The following KCNIP4 variants were observed in gnomAD, a reference collection of about 807,000 sequenced individuals.
KCNIP4 encodes the protein potassium voltage-gated channel interacting protein 4, also known as Kv channel-interacting protein 4.
Under a neutral mutation model 34.0 loss-of-function variants are expected in KCNIP4, and 12 were observed. The observed-to-expected ratio is 0.35, with a 90% confidence interval of 0.23 to 0.57. The LOEUF is 0.57. KCNIP4 is among the 20% of genes least tolerant of loss of function. The probability of loss-of-function intolerance (pLI) is 0.83; values close to 1 mark genes in which losing one functional copy is unlikely to be tolerated. For missense variants in KCNIP4, 238 were observed against 311.7 expected, an observed-to-expected ratio of 0.76 and a Z score of 1.78; for synonymous variants, 124 against 102.2, an observed-to-expected ratio of 1.21 and a Z score of -1.29.
chr4:21,506,844 T>C (rs1376027435), intron 1 of KCNIP4, among the ~76,000 whole-genome samples: 1 of 152,020 alleles, frequency 6.6e-6, no homozygotes, highest in East Asian at 1.9e-4. Context: ...CAGGCTGGAG[T>C]GCAGTGGCAT....
intron 1 of KCNIP4, among the ~76,000 whole-genome samples, chr4:21,077,267 A>G (rs1745573053): frequency 6.6e-6 from 1 of 152,192 alleles, no homozygotes; most frequent in South Asian, 2.1e-4. Context: ...TAAAGGGTTA[A>G]TTTATGATTC....
chr4:21,456,506 C>G (rs540031533), intron 1 of KCNIP4, among the ~76,000 whole-genome samples: 29 of 148,332 alleles, frequency 2.0e-4, no homozygotes, highest in South Asian at 1.0e-3. Context: ...TTTAAATCAA[C>G]TTATTTTTTA....
At chr4:21,642,085 T>G in intron 1 of KCNIP4, among the ~76,000 whole-genome samples, 1 of 152,174 alleles carries the variant, frequency 6.6e-6, no homozygotes, top group East Asian at 1.9e-4. Context: ...ATCTATAAAC[T>G]TACAGAATGC....
intron 1 of KCNIP4, among the ~76,000 whole-genome samples, chr4:21,719,920 G>A (rs1046350568): frequency 7.0e-6 from 1 of 143,174 alleles, no homozygotes; most frequent in Admixed American, 7.3e-5. Context: ...CTGAGATTGT[G>A]CCATTGTGCT....
intron 1 of KCNIP4, among the ~76,000 whole-genome samples, chr4:21,694,689 A>G (rs1022593186): frequency 6.6e-6 from 1 of 152,014 alleles, no homozygotes; most frequent in South Asian, 2.1e-4. Flanking sequence ...CTCTCACAAA[A>G]GGAAATTGCT....
chr4:21,110,760 T>C (rs1375833408), intron 1 of KCNIP4, among the ~76,000 whole-genome samples: 2 of 152,188 alleles, frequency 1.3e-5, no homozygotes, highest in African/African-American at 2.4e-5. Context: ...CCTTCCACCA[T>C]GTGAGGACAC....
intron 5 of KCNIP4, among the ~76,000 whole-genome samples, chr4:20,748,295 C>G (rs150975300): frequency 3.9e-5 from 6 of 152,114 alleles, no homozygotes; most frequent in Non-Finnish European, 7.4e-5. Flanking sequence ...GCCTGATATA[C>G]TCTGTCCAGC....
intron 1 of KCNIP4, among the ~76,000 whole-genome samples, chr4:21,382,565 C>T (rs1220840353): frequency 6.6e-6 from 1 of 152,126 alleles, no homozygotes; most frequent in African/African-American, 2.4e-5. Context: ...CAAAAACATA[C>T]ATCAATGCTC....
rs1305169978 is a variant in KCNIP4 at position 21,454,578 on chromosome 4, G to A, written c.61+493993C>T. On this transcript the variant is annotated intron_variant, in intron 1 of 8. Transcript: ENST00000382152. Reference sequence around the variant, plus strand: ...AGGTAATGAGTTAATTTTCCAAATAGGGTAAGTAGATAATCCTTCTCAATT... The same window carrying A: ...AGGTAATGAGTTAATTTTCCAAATAAGGTAAGTAGATAATCCTTCTCAATT... 2.0e-5 allele frequency among the ~76,000 whole-genome samples: 3 copies of A among 152,002 alleles called. No homozygotes were observed. In the South Asian group the frequency reaches 6.2e-4, roughly 31 times the overall value.
At chr4:21,120,652 G>A (rs1449140582) in intron 1 of KCNIP4, among the ~76,000 whole-genome samples, 1 of 152,136 alleles carries the variant, frequency 6.6e-6, no homozygotes, top group Non-Finnish European at 1.5e-5. Context: ...TCTCATGAGA[G>A]TTCACTCACT....
intron 1 of KCNIP4, among the ~76,000 whole-genome samples, chr4:21,090,670 G>T (rs1267504743): frequency 6.6e-6 from 1 of 151,958 alleles, no homozygotes; most frequent in Non-Finnish European, 1.5e-5. Context: ...ACATAATTTT[G>T]TTTTTCCAAT....
At chr4:21,400,795 C>T (rs1723490588) in intron 1 of KCNIP4, among the ~76,000 whole-genome samples, 3 of 151,910 alleles carry the variant, frequency 2.0e-5, no homozygotes, top group African/African-American at 7.3e-5. Context: ...TTAGCAAGCC[C>T]CTGATTTTGT....
At chr4:21,422,485 C>T (rs1248278630) in intron 1 of KCNIP4, among the ~76,000 whole-genome samples, 1 of 152,088 alleles carries the variant, frequency 6.6e-6, no homozygotes, top group Non-Finnish European at 1.5e-5. Flanking sequence ...CGGGCGTGAG[C>T]CACCGAGCCT....
Position 20,729,877 on chromosome 4 carries a change from G to GAACTCAGTGGCA in KCNIP4, c.*193_*204dup. 2.1e-6 allele frequency: 1 copy of GAACTCAGTGGCA among 478,762 alleles called. No individual in the cohort carries two copies. The highest frequency in any genetic ancestry group is 3.6e-6 in the Non-Finnish European group (1 of 277,096). The allele number at this position is 478,762 out of a possible 1,614,324, so 29.7% of individuals were successfully genotyped here. On this transcript the variant is annotated 3_prime_UTR_variant, in exon 9 of 9. Transcript: ENST00000382152. ...TATGAAATGAGTTAGACCATCCCCT[G>GAACTCAGTGGCA]AACTCAGTGGCATTATGAAAAGGAT...
At chr4:21,100,811 T>C (rs12504322) in intron 1 of KCNIP4, among the ~76,000 whole-genome samples, 17,657 of 152,162 alleles carry the variant, frequency 0.12, 1,471 homozygotes, top group African/African-American at 0.23. Context: ...AACTTTTAAA[T>C]GCATTGGGAA....
chr4:21,734,399 T>G (rs748381835), intron 1 of KCNIP4, among the ~76,000 whole-genome samples: 1 of 147,284 alleles, frequency 6.8e-6, no homozygotes, highest in Non-Finnish European at 1.5e-5. Flanking sequence ...AAAGTAGAAC[T>G]CAGTGGAATT....
chr4:20,794,178 G>A (rs1023623216), intron 3 of KCNIP4, among the ~76,000 whole-genome samples: 6 of 152,076 alleles, frequency 3.9e-5, no homozygotes, highest in South Asian at 2.1e-4. Flanking sequence ...TCCCAGTCTC[G>A]GGTATATCTT....
At chr4:21,456,912 G>A (rs13145021) in intron 1 of KCNIP4, among the ~76,000 whole-genome samples, 16,694 of 151,990 alleles carry the variant, frequency 0.11, 1,159 homozygotes, top group South Asian at 0.16. Context: ...CTTTCACTTC[G>A]TATTTCACCG....
At chr4:21,830,144 G>A (rs1722893705) in intron 1 of KCNIP4, among the ~76,000 whole-genome samples, 1 of 151,926 alleles carries the variant, frequency 6.6e-6, no homozygotes, top group South Asian at 2.1e-4. Context: ...TATTAAAGAT[G>A]GAAAAATATT....
Sources: gnomAD v4.1 joint callset for allele counts (sites outside exome capture counted in the v4.1 genomes callset) on GRCh38, gnomAD v4.1.1 for gene constraint, MANE v1.5 for transcripts, NCBI Gene and HGNC (gene_info 2026-07-23, HGNC 2026-07-21) for gene names.